The following AP1S2 variants were observed in gnomAD, a reference collection of about 807,000 sequenced individuals.
The protein encoded by AP1S2 is adaptor related protein complex 1 subunit sigma 2, also known as AP-1 complex subunit sigma-2.
A neutral mutation model predicts 14.3 loss-of-function variants in AP1S2; 1 was observed. The ratio of observed to expected loss-of-function variants is 0.07; its 90% CI spans 0.02 to 0.33. The LOEUF (loss-of-function observed/expected upper bound fraction) is 0.33. Ranked by LOEUF, AP1S2 falls within the 10% of genes least tolerant of loss-of-function variation. AP1S2 has a pLI of 0.99. For missense variants in AP1S2, 30 were observed against 117.7 expected (o/e 0.25, Z 3.45); for synonymous variants, 30 against 40.5 (o/e 0.74, Z 0.99).
intron 2 of AP1S2, among the ~76,000 whole-genome samples, chrX:15,851,718 C>T (rs1934184485): frequency 8.9e-6 from 1 of 111,887 alleles, no homozygotes; most frequent in Admixed American, 9.5e-5. Context: ...CATTTTGTAA[C>T]ATCAAATTTT....
At chrX:15,844,456 A>G (rs1933939159) in intron 4 of AP1S2, among the ~76,000 whole-genome samples, 1 of 112,760 alleles carries the variant, frequency 8.9e-6, no homozygotes. Context: ...AAAAATATTC[A>G]AGACTTTTAC....
intron 4 of AP1S2, chrX:15,830,222 C>T (rs1933388731): frequency 1.3e-6 from 1 of 751,915 alleles, no homozygotes; most frequent in Non-Finnish European, 1.6e-6. Context: ...ATTTATGTAG[C>T]ATTAAAACCA....
At chrX:15,836,489 A>G (rs1296568966) in intron 4 of AP1S2, among the ~76,000 whole-genome samples, 1 of 112,449 alleles carries the variant, frequency 8.9e-6, no homozygotes, top group Non-Finnish European at 1.9e-5. Flanking sequence ...AATGATGAGG[A>G]TAATTTACTA....
chrX:15,854,057 T>C (rs1164587667), intron 1 of AP1S2, among the ~76,000 whole-genome samples: 2 of 112,139 alleles, frequency 1.8e-5, no homozygotes, highest in African/African-American at 3.2e-5. Context: ...AAAAACAATG[T>C]ATTCTCCTTA....
intron 2 of AP1S2, among the ~76,000 whole-genome samples, chrX:15,849,546 G>GT (rs1194522232): frequency 9.0e-6 from 1 of 111,717 alleles, no homozygotes; most frequent in Middle Eastern, 4.2e-3. Flanking sequence ...CAATAAAGCT[G>GT]TTTTTTTTAA....
intron 4 of AP1S2, chrX:15,840,430 C>T (rs1202061172): frequency 7.5e-6 from 4 of 533,165 alleles, no homozygotes; most frequent in Admixed American, 4.4e-5. Context: ...AATCATCTCA[C>T]GTGCAACAGT....
intron 5 of AP1S2, 120 bp from the exon 6 acceptor site, chrX:15,827,492 T>C: frequency 1.5e-6 from 1 of 672,578 alleles, no homozygotes; most frequent in Non-Finnish European, 2.4e-6. Flanking sequence ...CGTGTCACAG[T>C]AGCATTCTAG....
intron 4 of AP1S2, chrX:15,830,149 A>C (rs1022741758): frequency 1.2e-4 from 91 of 747,551 alleles, no homozygotes; most frequent in Non-Finnish European, 1.4e-4. Flanking sequence ...ACAGCAAAAG[A>C]AGCAACATTT....
chrX:15,849,119 A>G (rs939440362), intron 2 of AP1S2, among the ~76,000 whole-genome samples: 1 of 112,172 alleles, frequency 8.9e-6, no homozygotes, highest in African/African-American at 3.2e-5. Flanking sequence ...TGACTTGTTT[A>G]AAGTCATAAA....
At chrX:15,840,728 C>T (rs776888948) in intron 4 of AP1S2, 15 of 267,642 alleles carry the variant, frequency 5.6e-5, no homozygotes, top group Non-Finnish European at 8.0e-5. Flanking sequence ...CACCATATCC[C>T]TCCAAAAATC....
rs1933274501 is a variant in AP1S2, at chrX:15,826,772, C to A, written c.*553G>T. ...TAGTCATTAAAAATAATCTGTAGTC[C>A]TTTAAAAAAAAAAAAAAAAGGTATG... On this transcript the variant is annotated 3_prime_UTR_variant, in exon 6 of 6. Transcript: ENST00000672987. The A allele has an allele frequency of 2.0e-5, 1 of 49,530 alleles. No homozygotes were observed. The highest frequency in any genetic ancestry group is 3.3e-4 in the Admixed American group (1 of 3,071). 4.1% of individuals were successfully genotyped at this position (49,530 alleles called of 1,213,427 possible). A position where few individuals can be genotyped will look rare whatever the true frequency, so the allele number is the denominator to read the frequency against.
rs149178321 is a variant in AP1S2, at chrX:15,835,370, T to A, written c.427-7170A>T. On this transcript the variant is annotated intron_variant, in intron 4 of 5. Transcript: ENST00000672987. ...TCCTTTTTATGGCCCCTAATCAAATTCTATGGCAAAGGATGCAAAGTCCTT... is the reference window on the plus strand; with the variant it reads ...TCCTTTTTATGGCCCCTAATCAAATACTATGGCAAAGGATGCAAAGTCCTT... Among the ~76,000 whole-genome samples the A allele has an allele frequency of 8.1e-5, 9 of 111,697 alleles. No homozygotes were observed. In the East Asian group the frequency reaches 2.5e-3, roughly 31 times the overall value.
chrX:15,844,729 A>T lies in AP1S2; in HGVS notation c.426+650T>A, dbSNP rs1933949341. Among the ~76,000 whole-genome samples, 5 of 112,443 alleles carry T rather than the reference A, an allele frequency of 4.4e-5. No individual in the cohort carries two copies. The Admixed American group carries it at 4.7e-4, about 11-fold the overall frequency. ...TTAACCCAAGATGACTATGGTAATT[A>T]GAAAGAAAAGGGAGTTACACATCTG... On this transcript the variant is annotated intron_variant, in intron 4 of 5. Transcript: ENST00000672987.
At chrX:15,845,593 A>AGT in intron 3 of AP1S2, 77 bp from the exon 4 acceptor site, 1 of 1,129,850 alleles carries the variant, frequency 8.9e-7, no homozygotes, top group Non-Finnish European at 1.2e-6. Context: ...CTTATTCACT[A>AGT]TCAGGTAGTG....
chrX:15,828,147 T>C, intron 5 of AP1S2, 45 bp downstream of exon 5: 2 of 1,015,701 alleles, frequency 2.0e-6, no homozygotes, highest in East Asian at 6.9e-5. Flanking sequence ...TATATTTTAA[T>C]GATGGAAAAT....
intron 4 of AP1S2, chrX:15,830,587 T>C (rs1433605732): frequency 3.6e-5 from 23 of 642,908 alleles, no homozygotes; most frequent in Non-Finnish European, 4.1e-5. Context: ...AAAAATATGC[T>C]GCATGTTTTA....
intron 2 of AP1S2, 21 bp from the exon 3 acceptor site, chrX:15,846,032 GA>G (rs781027153): frequency 9.8e-7 from 1 of 1,019,977 alleles, no homozygotes; most frequent in Admixed American, 2.2e-5. Context: ...GTACAAATGT[GA>G]AAAAAACTGT....
rs1569080180 is a variant in AP1S2, at chrX:15,834,467, T to A, written c.427-6267A>T. 2.1e-4 allele frequency among the ~76,000 whole-genome samples: 8 copies of A among 37,893 alleles called. 1 individual carries two copies. The highest frequency in any genetic ancestry group is 1.2e-3 in the African/African-American group (8 of 6,930). 32.9% of individuals were successfully genotyped at this position (37,893 alleles called of 115,157 possible). A position where few individuals can be genotyped will look rare whatever the true frequency, so the allele number is the denominator to read the frequency against. On this transcript the variant is annotated intron_variant, in intron 4 of 5. Transcript: ENST00000672987. ...ATATATATATATATATATATATATATATATATATATATAATTTTTTTTTTT... is the reference window on the plus strand; with the variant it reads ...ATATATATATATATATATATATATAAATATATATATATAATTTTTTTTTTT...
intron 4 of AP1S2, chrX:15,831,937 A>G: frequency 2.7e-6 from 2 of 746,174 alleles, no homozygotes; most frequent in Non-Finnish European, 3.2e-6. Flanking sequence ...ATTTAAATTC[A>G]TTAGTTCATT....
Sources: allele counts gnomAD v4.1 joint callset (sites outside exome capture counted in the v4.1 genomes callset), GRCh38; gene constraint gnomAD v4.1.1; transcripts MANE v1.5; gene names NCBI Gene and HGNC (gene_info 2026-07-23, HGNC 2026-07-21).